The following ANKRD28 variants were observed in gnomAD, a reference collection of about 807,000 sequenced individuals.
The protein encoded by ANKRD28 is serine/threonine-protein phosphatase 6 regulatory ankyrin repeat subunit A.
Under a neutral mutation model 126.5 loss-of-function variants are expected in ANKRD28, and 44 were observed. The ratio of observed to expected loss-of-function variants is 0.35; its 90% CI spans 0.27 to 0.45. The LOEUF (loss-of-function observed/expected upper bound fraction) is 0.45. ANKRD28 is among the 20% of genes least tolerant of loss of function. The pLI is 1.00. For missense variants in ANKRD28, 1,110 were observed against 1,316.6 expected (o/e 0.84, Z 2.43); for synonymous variants, 442 against 468.5 (o/e 0.94, Z 0.73).
At chr3:15,827,368 A>G (rs1349084478) in intron 1 of ANKRD28, among the ~76,000 whole-genome samples, 1 of 152,164 alleles carries the variant, frequency 6.6e-6, no homozygotes, top group Non-Finnish European at 1.5e-5. Context: ...AATCAACCTA[A>G]GTGTCCATCA....
chr3:15,793,137 G>A (rs955569721), intron 2 of ANKRD28, among the ~76,000 whole-genome samples: 3 of 152,064 alleles, frequency 2.0e-5, no homozygotes, highest in East Asian at 1.9e-4. Flanking sequence ...GGAAAAACAC[G>A]ACTGTCACAC....
chr3:15,780,189 G>C (rs1281577317), intron 2 of ANKRD28, among the ~76,000 whole-genome samples: 1 of 152,000 alleles, frequency 6.6e-6, no homozygotes, highest in Non-Finnish European at 1.5e-5. Flanking sequence ...ACCAAAAAAT[G>C]ACTGAAACTG....
chr3:15,795,362 G>A, intron 1 of ANKRD28, 56 bp from the exon 2 acceptor site: 1 of 1,197,236 alleles, frequency 8.4e-7, no homozygotes, highest in Non-Finnish European at 1.2e-6. Flanking sequence ...GGTGACTAAG[G>A]ATATTTTACA....
At chr3:15,770,626 A>T (rs553995690) in intron 2 of ANKRD28, among the ~76,000 whole-genome samples, 1 of 152,184 alleles carries the variant, frequency 6.6e-6, no homozygotes, top group Non-Finnish European at 1.5e-5. Flanking sequence ...TTCTCTGCAC[A>T]TGAGCTGCTT....
At chr3:15,748,976 T>G (rs1179351116) in intron 4 of ANKRD28, among the ~76,000 whole-genome samples, 1 of 152,118 alleles carries the variant, frequency 6.6e-6, no homozygotes, top group African/African-American at 2.4e-5. Flanking sequence ...TTTGTTTGAT[T>G]GTATTGCTGA....
At chr3:15,799,269 G>A (rs1359694178), upstream of ANKRD28, among the ~76,000 whole-genome samples, 3 of 150,954 alleles carry the variant, frequency 2.0e-5, no homozygotes, top group African/African-American at 7.3e-5. Context: ...TCTAAAACGA[G>A]TTATTTTTAA....
In ANKRD28 at chr3:15,797,256, T is replaced by C. The variant is rs2060320719; in HGVS notation, c.-735A>G. ...CATTAATAGCAAAGCTGCAGTACGT[T>C]TACATGTGATGAGTCAGACCACAAG... On this transcript the variant is annotated 5_prime_UTR_variant, in exon 1 of 28. It removes the in-frame stop codon of an upstream open reading frame in the 5' UTR. Transcript: ENST00000683139. 5 of 984,268 alleles carry C rather than the reference T, an allele frequency of 5.1e-6. No individual in the cohort carries two copies. Among genetic ancestry groups the C allele is most frequent in the Non-Finnish European group, 6.0e-6 (5 of 829,750 alleles). The allele number at this position is 984,268 out of a possible 1,614,324, so 61.0% of individuals were successfully genotyped here.
intron 1 of ANKRD28, among the ~76,000 whole-genome samples, chr3:15,821,748 C>G (rs1284778249): frequency 6.6e-6 from 1 of 152,152 alleles, no homozygotes; most frequent in East Asian, 1.9e-4. Flanking sequence ...TGGCAGCATC[C>G]ATGATAGCAG....
chr3:15,740,741 C>CT (rs2075393759), intron 4 of ANKRD28, among the ~76,000 whole-genome samples: 1 of 152,154 alleles, frequency 6.6e-6, no homozygotes, highest in Non-Finnish European at 1.5e-5. Context: ...ATCAATTCTA[C>CT]TTTTTTGTTT....
intron 3 of ANKRD28, 41 bp from the exon 4 acceptor site, chr3:15,751,861 A>T (rs775325278): frequency 7.6e-7 from 1 of 1,318,390 alleles, no homozygotes; most frequent in South Asian, 1.4e-5. Context: ...TATTGTACAT[A>T]AAATATTTTT....
At chr3:15,841,933 T>C (rs2061430649) in intron 1 of ANKRD28, among the ~76,000 whole-genome samples, 2 of 152,014 alleles carry the variant, frequency 1.3e-5, no homozygotes, top group Non-Finnish European at 2.9e-5. Flanking sequence ...ATCTGCTTGG[T>C]ATAACCCAAA....
intron 2 of ANKRD28, among the ~76,000 whole-genome samples, chr3:15,792,458 G>C (rs1359780845): frequency 3.9e-5 from 6 of 152,026 alleles, no homozygotes; most frequent in African/African-American, 1.5e-4. Context: ...CCGAAATAAG[G>C]CAGGCACAGA....
chr3:15,816,424 T>C lies in ANKRD28; in HGVS notation c.28-21118A>G, dbSNP rs1045724171. Among the ~76,000 whole-genome samples, 1 of 152,242 alleles carries C rather than the reference T, an allele frequency of 6.6e-6. No individual in the cohort carries two copies. Among genetic ancestry groups the C allele is most frequent in the African/African-American group, 2.4e-5 (1 of 41,464 alleles). ...TTCCCTGATTTGTAATATGGGGTTATTAAGACCAGCTTAAGTTAACAGCCT... is the reference window on the plus strand; with the variant it reads ...TTCCCTGATTTGTAATATGGGGTTACTAAGACCAGCTTAAGTTAACAGCCT... On this transcript the variant is annotated intron_variant, in intron 1 of 27. Coordinates refer to the ANKRD28 transcript ENST00000399451. The surrounding 1 kb of genome is among the most constrained non-coding windows in gnomAD (Gnocchi z 5.0).
intron 4 of ANKRD28, among the ~76,000 whole-genome samples, chr3:15,747,992 T>C (rs2057594770): frequency 6.6e-6 from 1 of 152,188 alleles, no homozygotes; most frequent in Admixed American, 6.5e-5. Flanking sequence ...GTCTGTTTTG[T>C]CTGATATAAA....
intron 2 of ANKRD28, among the ~76,000 whole-genome samples, chr3:15,776,043 T>C (rs1443478642): frequency 6.6e-6 from 1 of 152,088 alleles, no homozygotes; most frequent in Non-Finnish European, 1.5e-5. Context: ...CTCATAAGCA[T>C]AAAAAAGACA....
At chr3:15,684,258 T>G (rs1369979574) in intron 21 of ANKRD28, 2 of 152,202 alleles carry the variant, frequency 1.3e-5, no homozygotes, top group Non-Finnish European at 2.9e-5. Flanking sequence ...ACTGCATTTT[T>G]AACATCTATA....
chr3:15,686,002 C>T lies in ANKRD28; in HGVS notation c.2169G>A (p.Gly723=). Reference sequence around the variant, plus strand: ...AAGGAAAGAGCATATTTCTGCTTACCCCTCTATGCAACGCTGTCCTTCCCC... The same window carrying T: ...AAGGAAAGAGCATATTTCTGCTTACTCCTCTATGCAACGCTGTCCTTCCCC... ...DKWGRTALHR[G]AVTGHEECVD... is the part of the protein sequence containing the mutation. Residue 723 remains glycine, a splice_region_variant and synonymous_variant, in exon 20 of 28, where the codon GGG becomes GGA. Coordinates refer to ENST00000683139, the MANE Select transcript of ANKRD28 (RefSeq NM_001349278.2). 1 of 1,611,534 alleles carries T rather than the reference C, an allele frequency of 6.2e-7. No individual in the cohort carries two copies. The highest frequency in any genetic ancestry group is 8.5e-7 in the Non-Finnish European group (1 of 1,178,478).
Position 15,833,860 on chromosome 3 carries a change from T to C in ANKRD28, c.27+25517A>G, listed in dbSNP as rs1323658580. On this transcript the variant is annotated intron_variant, in intron 1 of 27. Transcript: ENST00000399451. The surrounding 1 kb of genome is among the most constrained non-coding windows in gnomAD (Gnocchi z 4.4). ...TTATGACTAATGATGTTGAGGATTT[T>C]TTCATGTTTTTTGGCCACTTGTATG... is the stretch of plus-strand genomic sequence containing the variant. Among the ~76,000 whole-genome samples, 1 of 152,176 alleles carries C rather than the reference T, an allele frequency of 6.6e-6. No individual in the cohort carries two copies. The highest frequency in any genetic ancestry group is 1.5e-5 in the Non-Finnish European group (1 of 68,018).
At chr3:15,748,374 T>C (rs2057625014) in intron 4 of ANKRD28, among the ~76,000 whole-genome samples, 1 of 152,232 alleles carries the variant, frequency 6.6e-6, no homozygotes, top group South Asian at 2.1e-4. Flanking sequence ...GCAGTTCTTG[T>C]AGCGCTGGCT....
Sources: allele counts gnomAD v4.1 joint callset (sites outside exome capture counted in the v4.1 genomes callset), GRCh38; gene constraint gnomAD v4.1.1; non-coding constraint Gnocchi (gnomAD v3.1); transcripts MANE v1.5; gene names NCBI Gene and HGNC (gene_info 2026-07-23, HGNC 2026-07-21).